NOTCH2: variants seen among roughly 807,000 people sequenced by gnomAD.
The protein encoded by NOTCH2 is notch receptor 2.
NOTCH2 carries 29 observed loss-of-function variants against 235.8 expected under a neutral mutation model. The ratio of observed to expected loss-of-function variants is 0.12; its 90% CI spans 0.09 to 0.17. The LOEUF (loss-of-function observed/expected upper bound fraction) is 0.17, where lower values mean the gene tolerates loss of function less well. Ranked by LOEUF, NOTCH2 falls within the 10% of genes least tolerant of loss-of-function variation. The probability of loss-of-function intolerance (pLI) is 1.00; values close to 1 mark genes in which losing one functional copy is unlikely to be tolerated. For missense variants in NOTCH2, 2,285 were observed against 3,150.2 expected (o/e 0.73, Z 6.57); for synonymous variants, 1,086 against 1,141.5 (o/e 0.95, Z 0.98).
chr1:119,914,475 G>A lies in NOTCH2; in HGVS notation c.*831C>T, dbSNP rs587621043. The A allele has an allele frequency of 4.3e-6, 1 of 233,304 alleles. No homozygotes were observed. The highest frequency in any genetic ancestry group is 6.0e-5 in the East Asian group (1 of 16,576). The allele number at this position is 233,304 out of a possible 1,614,324, so 14.5% of individuals were successfully genotyped here. On this transcript the variant is annotated 3_prime_UTR_variant, in exon 34 of 34. Transcript: ENST00000256646. ...CAACAAACTCACACCCTTCTTCCTG[G>A]TAAAGTTTATATGAAGACCTGCACA...
At chr1:120,024,976 A>G (rs1553209656) in intron 2 of NOTCH2, among the ~76,000 whole-genome samples, 1 of 151,852 alleles carries the variant, frequency 6.6e-6, no homozygotes. Context: ...AGCAAAGCAA[A>G]CTATATGAAA....
At chr1:119,939,518 G>T (rs1195604069) in intron 19 of NOTCH2, among the ~76,000 whole-genome samples, 1 of 152,204 alleles carries the variant, frequency 6.6e-6, no homozygotes, top group Non-Finnish European at 1.5e-5. Flanking sequence ...AGGACTTAAT[G>T]CCTGTTAATA....
rs2101156567 is a variant in NOTCH2, at chr1:119,922,794, G to T, written c.4860-16C>A. Reference sequence around the variant, plus strand: ...GACTTTAGAGCTGTGGGATGCCAAGGGAGAAGCGGAGGAGGAGAGATGGGG... The same window carrying T: ...GACTTTAGAGCTGTGGGATGCCAAGTGAGAAGCGGAGGAGGAGAGATGGGG... On this transcript the variant is annotated splice_polypyrimidine_tract_variant and intron_variant, in intron 26 of 33. Transcript: ENST00000256646. 1 of 1,614,004 alleles carries T rather than the reference G, an allele frequency of 6.2e-7. No individual in the cohort carries two copies. The highest frequency in any genetic ancestry group is 2.2e-5 in the East Asian group (1 of 44,880).
chr1:119,926,684 T>C, intron 23 of NOTCH2, 73 bp from the exon 24 acceptor site: 2 of 1,251,600 alleles, frequency 1.6e-6, no homozygotes, highest in South Asian at 2.6e-5. Context: ...CAAACTTTGC[T>C]GGGATGGGAA....
In NOTCH2 at chr1:119,922,652, A is replaced by G. The variant is rs756133700; in HGVS notation, c.4986T>C (p.Pro1662=). ...SHAIQGTLSY[P]LVSVVSESLT... The stretch of plus-strand genomic sequence containing the variant: ...GCCACTCACTGACGACAGACACAAG[A>G]GGGTATGACAGGGTCCCCTGTATGG... Residue 1662 remains proline, a synonymous_variant, in exon 27 of 34, where the codon CCT becomes CCC. Coordinates refer to ENST00000256646, the MANE Select transcript of NOTCH2 (RefSeq NM_024408.4). 3 of 1,614,030 alleles carry G rather than the reference A, an allele frequency of 1.9e-6. No individual in the cohort carries two copies. The South Asian group carries it at 3.3e-5, about 18-fold the overall frequency.
In NOTCH2 at chr1:119,926,605, T is replaced by C; in HGVS notation, c.3899A>G (p.His1300Arg). ...CVCRSAFTGR[H>R]CETFVDVCPQ... ...ACACACATCGACGAAGGTTTCACAGTGCCGGCCTCAGAAAATAAAAAATAA... is the reference window on the plus strand; with the variant it reads ...ACACACATCGACGAAGGTTTCACAGCGCCGGCCTCAGAAAATAAAAAATAA... The change falls in exon 24 of 34, where the codon CAC (histidine) becomes CGC (arginine). Residue 1300 changes from histidine (H) to arginine (R), a missense_variant. By Grantham distance (29) the His-to-Arg change is conservative (BLOSUM62 0). Transcript: ENST00000256646. The C allele has an allele frequency of 1.2e-6, 2 of 1,605,430 alleles. No homozygotes were observed. Among genetic ancestry groups the C allele is most frequent in the Non-Finnish European group, 1.7e-6 (2 of 1,174,858 alleles).
At position 119,915,304 on chromosome 1, in the gene NOTCH2, T is replaced by C; in HGVS notation, c.*2A>G. On this transcript the variant is annotated 3_prime_UTR_variant, in exon 34 of 34. Coordinates refer to ENST00000256646, the MANE Select transcript of NOTCH2 (RefSeq NM_024408.4). ...ATGTCTCTACACTGGAGGTGGACTC[T>C]CTCACGCATAAACCTGCATGTTGTT... The C allele has an allele frequency of 6.2e-7, 1 of 1,612,850 alleles. No homozygotes were observed. Among genetic ancestry groups the C allele is most frequent in the South Asian group, 1.1e-5 (1 of 91,030 alleles).
chr1:119,917,887 T>C (rs1162378346), intron 32 of NOTCH2, 125 bp from the exon 33 acceptor site: 7 of 722,482 alleles, frequency 9.7e-6, no homozygotes, highest in African/African-American at 1.7e-5. Context: ...TAGGGGTCTA[T>C]AGGAAAAACC....
chr1:119,988,076 T>G (rs1652089626), intron 4 of NOTCH2, among the ~76,000 whole-genome samples: 1 of 152,142 alleles, frequency 6.6e-6, no homozygotes. Context: ...GAAATATCCC[T>G]TAAGGTTCCT....
intron 18 of NOTCH2, among the ~76,000 whole-genome samples, chr1:119,940,988 T>C (rs1553196399): frequency 6.6e-6 from 1 of 152,244 alleles, no homozygotes; most frequent in Non-Finnish European, 1.5e-5. Context: ...TATAGATACC[T>C]ACAGAAAATG....
rs1648926685 is a variant in NOTCH2 at position 119,912,500 on chromosome 1, A to G, written c.*2806T>C. The G allele has an allele frequency of 4.3e-6, 1 of 233,218 alleles. No individual in the cohort carries two copies. The highest frequency in any genetic ancestry group is 8.5e-6 in the Non-Finnish European group (1 of 117,982). The allele number at this position is 233,218 out of a possible 1,614,324, so 14.4% of individuals were successfully genotyped here. A position where few individuals can be genotyped will look rare whatever the true frequency, so the allele number is the denominator to read the frequency against. Reference sequence around the variant, plus strand: ...CTTATACTAAAATATTTTAATTCTCAGACTCTCTTTCCCTCATACCTTTCC... The same window carrying G: ...CTTATACTAAAATATTTTAATTCTCGGACTCTCTTTCCCTCATACCTTTCC... On this transcript the variant is annotated 3_prime_UTR_variant, in exon 34 of 34. Coordinates refer to ENST00000256646, the MANE Select transcript of NOTCH2 (RefSeq NM_024408.4).
chr1:119,974,326 G>A (rs1383974297), intron 5 of NOTCH2, among the ~76,000 whole-genome samples: 3 of 152,148 alleles, frequency 2.0e-5, no homozygotes, highest in African/African-American at 7.2e-5. Flanking sequence ...AGATATTGCA[G>A]GCTACTGTCA....
Position 119,915,573 on chromosome 1 carries a change from G to A in NOTCH2, c.7149C>T (p.Tyr2383=), listed in dbSNP as rs2101141703. 2 of 1,614,028 alleles carry A rather than the reference G, an allele frequency of 1.2e-6. No individual in the cohort carries two copies. The highest frequency in any genetic ancestry group is 2.2e-5 in the South Asian group (2 of 91,086). ...YHPFPASVGK[Y]PTPPSQHSYA... ...AACTGTGCTGTGAAGGGGGTGTGGG[G>A]TACTTGCCCACAGAGGCTGGGAAAG... The change falls in exon 34 of 34, where the codon TAC becomes TAT. Residue 2383 remains tyrosine, a synonymous_variant. Transcript: ENST00000256646.
intron 1 of NOTCH2, among the ~76,000 whole-genome samples, chr1:120,041,842 G>C (rs1654581502): frequency 9.0e-6 from 1 of 111,714 alleles, no homozygotes; most frequent in Non-Finnish European, 1.8e-5. Context: ...TAAAGAAAGA[G>C]AGAGAGAGAA....
At chr1:119,977,745 A>C (rs1194888893) in intron 5 of NOTCH2, among the ~76,000 whole-genome samples, 1 of 152,248 alleles carries the variant, frequency 6.6e-6, no homozygotes, top group Admixed American at 6.5e-5. Flanking sequence ...CACACTGAAG[A>C]AAAATACTAA....
In NOTCH2 at chr1:119,922,422, G is replaced by A. The variant is rs2101154890; in HGVS notation, c.5027C>T (p.Thr1676Ile). ...VVSESLTPER[T>I]QLLYLLAVAV... is the part of the protein sequence containing the mutation. The stretch of plus-strand genomic sequence containing the variant: ...AACAGCAAGGAGATAGAGGAGCTGA[G>A]TGCGTTCTGGAGTCAGGGATTCACC... The change falls in exon 28 of 34, where the codon ACT (threonine) becomes ATT (isoleucine). Residue 1676 changes from threonine to isoleucine, a missense_variant. Around this residue, in one of 6 missense-constraint regions of NOTCH2, gnomAD observed 1,173 missense variants for 1,515.3 expected, o/e 0.77. Coordinates refer to ENST00000256646, the MANE Select transcript of NOTCH2 (RefSeq NM_024408.4). The A allele has an allele frequency of 3.1e-6, 5 of 1,613,308 alleles. No homozygotes were observed. Among genetic ancestry groups the A allele is most frequent in the Non-Finnish European group, 4.2e-6 (5 of 1,179,616 alleles).
At chr1:119,998,221 GATATTTTCCACAAA>G (rs1315825552) in intron 3 of NOTCH2, among the ~76,000 whole-genome samples, 40 of 145,320 alleles carry the variant, frequency 2.8e-4, no homozygotes, top group Non-Finnish European at 4.8e-4. Flanking sequence ...AAAATATATC[GATATTTTCCACAAA>G]ATATAGTTAC....
intron 22 of NOTCH2, among the ~76,000 whole-genome samples, chr1:119,932,565 C>G (rs1414139574): frequency 6.6e-6 from 1 of 152,038 alleles, no homozygotes; most frequent in Admixed American, 6.6e-5. Flanking sequence ...CCAGCCTGGG[C>G]AACAAGAGCA....
At chr1:119,921,082 C>T (rs887584125) in intron 29 of NOTCH2, among the ~76,000 whole-genome samples, 10 of 152,234 alleles carry the variant, frequency 6.6e-5, no homozygotes, top group African/African-American at 2.4e-4. Context: ...TTGCCAGCTA[C>T]TAAGCGGCAG....
Sources: gnomAD v4.1 joint callset for allele counts (sites outside exome capture counted in the v4.1 genomes callset) on GRCh38, gnomAD v4.1.1 for gene constraint, gnomAD v4.1.1 regional missense constraint, MANE v1.5 for transcripts, NCBI Gene and HGNC (gene_info 2026-07-23, HGNC 2026-07-21) for gene names.